CPAP: variants seen among roughly 807,000 people sequenced by gnomAD.
CPAP encodes centrosome assembly and centriole elongation protein.
chr13:24,886,916 A>G, the CPAP span, among the ~76,000 whole-genome samples: 2 of 152,206 alleles, frequency 1.3e-5, no homozygotes, highest in African/African-American at 2.4e-5. Flanking sequence ...TTGAACCCCC[A>G]AAGTATCTAC....
the CPAP span, among the ~76,000 whole-genome samples, chr13:24,898,550 T>C: frequency 5.3e-5 from 8 of 152,326 alleles, no homozygotes; most frequent in East Asian, 1.9e-4. Flanking sequence ...AGTTTTAATA[T>C]TGTCAACATC....
the CPAP span, among the ~76,000 whole-genome samples, chr13:24,897,719 A>G: frequency 6.6e-6 from 1 of 152,238 alleles, no homozygotes; most frequent in African/African-American, 2.4e-5. Context: ...GTACTTTCTA[A>G]GAATTTCTCT....
At chr13:24,914,796 G>A in the CPAP span, among the ~76,000 whole-genome samples, 1 of 152,020 alleles carries the variant, frequency 6.6e-6, no homozygotes, top group African/African-American at 2.4e-5. Flanking sequence ...TAAATAAGTC[G>A]GGTGTGGTAA....
the CPAP span, among the ~76,000 whole-genome samples, chr13:24,887,561 T>A: frequency 6.6e-6 from 1 of 152,176 alleles, no homozygotes; most frequent in South Asian, 2.1e-4. Flanking sequence ...TGTCACTGTC[T>A]CCCATCACCC....
chr13:24,899,565 C>T, the CPAP span: 15 of 1,613,494 alleles, frequency 9.3e-6, no homozygotes, highest in Non-Finnish European at 1.2e-5. Flanking sequence ...TTCTGTTGTT[C>T]GAAGTCTGCA....
the CPAP span, chr13:24,884,069 C>A: frequency 6.2e-7 from 1 of 1,610,662 alleles, no homozygotes; most frequent in South Asian, 1.1e-5. Flanking sequence ...TTTCTTCCAT[C>A]TGGGTAATGT....
the CPAP span, among the ~76,000 whole-genome samples, chr13:24,901,542 G>A: frequency 2.0e-5 from 3 of 152,170 alleles, no homozygotes; most frequent in East Asian, 1.9e-4. Flanking sequence ...TACATATGAC[G>A]ATATTCCCTG....
the CPAP span, among the ~76,000 whole-genome samples, chr13:24,919,838 A>C: frequency 6.6e-6 from 1 of 152,218 alleles, no homozygotes; most frequent in Non-Finnish European, 1.5e-5. Context: ...ATCACGGCTC[A>C]CGGCAGCTTC....
At chr13:24,908,019 T>G in the CPAP span, 1 of 1,595,772 alleles carries the variant, frequency 6.3e-7, no homozygotes, top group Non-Finnish European at 8.6e-7. Context: ...GAACAATACC[T>G]TTCTTCAATA....
the CPAP span, chr13:24,909,835 C>G: frequency 1.2e-6 from 2 of 1,613,786 alleles, no homozygotes; most frequent in Non-Finnish European, 1.7e-6. Flanking sequence ...TTTTTTTCCA[C>G]AGGTGCTTCT....
chr13:24,908,156 C>G, the CPAP span: 1 of 1,471,108 alleles, frequency 6.8e-7, no homozygotes, highest in Non-Finnish European at 9.5e-7. Context: ...CAATTTAGCT[C>G]AAGAAAAGCA....
chr13:24,883,069 T>A, the CPAP span: 3 of 997,592 alleles, frequency 3.0e-6, no homozygotes, highest in Non-Finnish European at 4.7e-6. Context: ...TTTTAGAATC[T>A]AATCTTTTCC....
the CPAP span, among the ~76,000 whole-genome samples, chr13:24,922,200 G>A: frequency 2.6e-5 from 4 of 152,128 alleles, no homozygotes; most frequent in Non-Finnish European, 5.9e-5. Context: ...CTTTAAAGCA[G>A]TATTGAAAAA....
At chr13:24,907,358 C>T in the CPAP span, among the ~76,000 whole-genome samples, 54 of 152,272 alleles carry the variant, frequency 3.5e-4, no homozygotes, top group African/African-American at 1.2e-3. Context: ...CTCTCCACAC[C>T]TTAAAATAAA....
At chr13:24,884,443 A>C in the CPAP span, 1 of 1,614,152 alleles carries the variant, frequency 6.2e-7, no homozygotes, top group Non-Finnish European at 8.5e-7. Context: ...CACGGCACCC[A>C]TTCTTATAAA....
chr13:24,931,200 T>C, the CPAP span, among the ~76,000 whole-genome samples: 1 of 152,194 alleles, frequency 6.6e-6, no homozygotes, highest in East Asian at 1.9e-4. Flanking sequence ...TTAAGACAGG[T>C]CATTTAAAGT....
the CPAP span, among the ~76,000 whole-genome samples, chr13:24,887,275 C>A: frequency 6.6e-6 from 1 of 152,160 alleles, no homozygotes; most frequent in Non-Finnish European, 1.5e-5. Flanking sequence ...TATAAGTATA[C>A]CACTTATACC....
chr13:24,905,426 G>A, the CPAP span: 3 of 1,614,144 alleles, frequency 1.9e-6, no homozygotes, highest in East Asian at 4.5e-5. Context: ...TTTCAAAGAA[G>A]GAAAGAATTT....
chr13:24,883,925 C>T, the CPAP span: 1 of 1,613,732 alleles, frequency 6.2e-7, no homozygotes, highest in Non-Finnish European at 8.5e-7. Context: ...ACAGGTGTCA[C>T]ACTGAGTGGT....
Sources: allele counts gnomAD v4.1 joint callset (sites outside exome capture counted in the v4.1 genomes callset), GRCh38; gene constraint gnomAD v4.1.1; transcripts MANE v1.5; gene names NCBI Gene and HGNC (gene_info 2026-07-23, HGNC 2026-07-21).